The following PHACTR4 variants were observed in gnomAD, a reference collection of about 807,000 sequenced individuals.
The protein encoded by PHACTR4 is protein phosphatase 1, regulatory subunit 124.
In PHACTR4, 51 loss-of-function variants were observed where a neutral mutation model predicts 72.7. The ratio of observed to expected loss-of-function variants is 0.70; its 90% CI spans 0.56 to 0.89. PHACTR4 has a LOEUF of 0.89. Among genes scored for constraint, PHACTR4 ranks in the 40% least tolerant of loss-of-function variants. The pLI, the probability that PHACTR4 is intolerant of heterozygous loss-of-function variation, is 0.00. For synonymous variants in PHACTR4, 255 were observed against 302.5 expected (o/e 0.84, Z 1.63); for missense variants, 731 against 861.8 (o/e 0.85, Z 1.90).
chr1:28,429,739 G>GC (rs1656114014), intron 2 of PHACTR4, among the ~76,000 whole-genome samples: 1 of 152,152 alleles, frequency 6.6e-6, no homozygotes, highest in African/African-American at 2.4e-5. Context: ...TACATCATGG[G>GC]CCCTGCCCAC....
chr1:28,427,814 C>A (rs1036330716), intron 2 of PHACTR4, among the ~76,000 whole-genome samples: 1 of 152,110 alleles, frequency 6.6e-6, no homozygotes, highest in African/African-American at 2.4e-5. Context: ...TAGAATGATA[C>A]CTGACACATT....
intron 1 of PHACTR4, among the ~76,000 whole-genome samples, chr1:28,391,652 G>A (rs374673564): frequency 4.1e-5 from 6 of 144,748 alleles, no homozygotes; most frequent in Non-Finnish European, 9.0e-5. Flanking sequence ...TTTGGCCAGG[G>A]TGGAGTGCAA....
Position 28,500,273 on chromosome 1 carries a change from A to G in PHACTR4, c.*3724A>G, listed in dbSNP as rs1661585298. 6.6e-6 allele frequency: 1 copy of G among 152,184 alleles called. No homozygotes were observed. Among genetic ancestry groups the G allele is most frequent in the Admixed American group, 6.6e-5 (1 of 15,262 alleles). The allele number at this position is 152,184 out of a possible 1,614,324, so 9.4% of individuals were successfully genotyped here. On this transcript the variant is annotated 3_prime_UTR_variant, in exon 14 of 14. Coordinates refer to ENST00000373839, the MANE Select transcript of PHACTR4 (RefSeq NM_001048183.3). Reference sequence around the variant, plus strand: ...GTACTTCAAGATGCCTCCCTGATGTATAGAATCTCCTTGTAAAATAAATAA... The same window carrying G: ...GTACTTCAAGATGCCTCCCTGATGTGTAGAATCTCCTTGTAAAATAAATAA...
At chr1:28,436,470 A>G (rs1656642014) in intron 2 of PHACTR4, among the ~76,000 whole-genome samples, 1 of 152,084 alleles carries the variant, frequency 6.6e-6, no homozygotes, top group Non-Finnish European at 1.5e-5. Context: ...TAGACACAGG[A>G]TTTGACCTTA....
At chr1:28,471,288 G>T (rs980521352) in intron 6 of PHACTR4, among the ~76,000 whole-genome samples, 2 of 152,068 alleles carry the variant, frequency 1.3e-5, no homozygotes, top group African/African-American at 2.4e-5. Context: ...GGTGGAGGTT[G>T]CAGTTAGCCG....
intron 2 of PHACTR4, among the ~76,000 whole-genome samples, chr1:28,439,213 A>T (rs1408319694): frequency 2.6e-5 from 4 of 151,222 alleles, no homozygotes; most frequent in African/African-American, 7.2e-5. Flanking sequence ...TCTAGACATT[A>T]TAATATTTAA....
chr1:28,457,952 C>A, intron 2 of PHACTR4: 2 of 761,060 alleles, frequency 2.6e-6, no homozygotes, highest in Non-Finnish European at 3.2e-6. Context: ...AATTCTTGGC[C>A]CCGCCTTGGC....
At chr1:28,473,145 G>A (rs776518288) in intron 6 of PHACTR4, among the ~76,000 whole-genome samples, 4 of 151,696 alleles carry the variant, frequency 2.6e-5, no homozygotes, top group African/African-American at 7.3e-5. Context: ...CCGTAGTGGC[G>A]TGCGCCTGTA....
intron 1 of PHACTR4, among the ~76,000 whole-genome samples, chr1:28,398,826 A>G (rs1653730430): frequency 6.6e-6 from 1 of 151,712 alleles, no homozygotes; most frequent in Non-Finnish European, 1.5e-5. Flanking sequence ...CTCAAAAAAG[A>G]AAAAAAAATT....
intron 1 of PHACTR4, among the ~76,000 whole-genome samples, chr1:28,392,433 TGC>T (rs1174390048): frequency 6.6e-6 from 1 of 151,754 alleles, no homozygotes; most frequent in Admixed American, 6.6e-5. Context: ...GACAGACTCT[TGC>T]TCTGTTGCCC....
At chr1:28,445,321 T>G (rs1657377433) in intron 2 of PHACTR4, among the ~76,000 whole-genome samples, 1 of 152,094 alleles carries the variant, frequency 6.6e-6, no homozygotes, top group African/African-American at 2.4e-5. Flanking sequence ...ACTCCTGGGC[T>G]CATGCGATCC....
At chr1:28,388,142 A>G (rs928925526) in intron 1 of PHACTR4, among the ~76,000 whole-genome samples, 1 of 151,940 alleles carries the variant, frequency 6.6e-6, no homozygotes, top group Non-Finnish European at 1.5e-5. Context: ...GTAAGCTGTG[A>G]TGGTGCCATT....
intron 12 of PHACTR4, among the ~76,000 whole-genome samples, chr1:28,492,635 C>T (rs948665259): frequency 1.3e-5 from 2 of 151,892 alleles, no homozygotes; most frequent in African/African-American, 4.8e-5. Flanking sequence ...TAGTGCGCAC[C>T]TGTAATCCCA....
intron 1 of PHACTR4, among the ~76,000 whole-genome samples, chr1:28,376,928 C>G (rs1306551450): frequency 6.6e-6 from 1 of 151,936 alleles, no homozygotes; most frequent in Non-Finnish European, 1.5e-5. Context: ...TGAGCCAGCG[C>G]GCCCGGCCTT....
chr1:28,430,386 G>T (rs1165826927), intron 2 of PHACTR4, among the ~76,000 whole-genome samples: 1 of 152,112 alleles, frequency 6.6e-6, no homozygotes, highest in African/African-American at 2.4e-5. Flanking sequence ...AGAAATTCCT[G>T]GCGAAGGGAG....
intron 13 of PHACTR4, among the ~76,000 whole-genome samples, chr1:28,493,418 A>C (rs1237868570): frequency 6.6e-6 from 1 of 152,044 alleles, no homozygotes; most frequent in Non-Finnish European, 1.5e-5. Context: ...GGCGCCTGTA[A>C]TCCCAACTAT....
In PHACTR4 at chr1:28,407,477, A is replaced by G. The variant is rs199719254; in HGVS notation, c.16+14A>G. On this transcript the variant is annotated intron_variant, in intron 2 of 13. Coordinates refer to ENST00000373839, the MANE Select transcript of PHACTR4 (RefSeq NM_001048183.3). Reference sequence around the variant, plus strand: ...AAGATCCATTTGGTGAGTATCACCTACATTGTTCTTAGTAAATGACATTTC... The same window carrying G: ...AAGATCCATTTGGTGAGTATCACCTGCATTGTTCTTAGTAAATGACATTTC... 379 of 1,602,102 alleles carry G rather than the reference A, an allele frequency of 2.4e-4. No individual in the cohort carries two copies. The highest frequency in any genetic ancestry group is 6.4e-5 in the Non-Finnish European group (75 of 1,170,738).
intron 1 of PHACTR4, among the ~76,000 whole-genome samples, chr1:28,401,452 G>T (rs931363343): frequency 6.6e-6 from 1 of 151,600 alleles, no homozygotes; most frequent in Non-Finnish European, 1.5e-5. Flanking sequence ...GATTACAGGC[G>T]CCCGCCACCA....
intron 1 of PHACTR4, among the ~76,000 whole-genome samples, chr1:28,386,627 G>A (rs373887635): frequency 2.6e-5 from 4 of 151,934 alleles, no homozygotes; most frequent in African/African-American, 7.3e-5. Flanking sequence ...TATATGTGGC[G>A]GTGTGAGCCA....
Sources: allele counts gnomAD v4.1 joint callset (sites outside exome capture counted in the v4.1 genomes callset), GRCh38; gene constraint gnomAD v4.1.1; transcripts MANE v1.5; gene names NCBI Gene and HGNC (gene_info 2026-07-23, HGNC 2026-07-21).